DHPS: variants seen among roughly 807,000 people sequenced by gnomAD.
DHPS encodes the protein migration-inducing gene 13.
DHPS carries 24 observed loss-of-function variants against 38.7 expected under a neutral mutation model. The ratio of observed to expected loss-of-function variants is 0.62; its 90% CI spans 0.45 to 0.87. DHPS has a LOEUF of 0.87. Among genes scored for constraint, DHPS ranks in the 40% least tolerant of loss-of-function variants. DHPS has a pLI of 0.00. For missense variants in DHPS, 510 were observed against 497.6 expected, an observed-to-expected ratio of 1.02 and a Z score of -0.24; for synonymous variants, 250 against 204.4, an observed-to-expected ratio of 1.22 and a Z score of -1.90.
downstream of DHPS, among the ~76,000 whole-genome samples, chr19:12,673,848 T>C (rs1316767414): frequency 2.0e-5 from 3 of 151,918 alleles, no homozygotes; most frequent in African/African-American, 7.3e-5. Flanking sequence ...TACAGGCCCC[T>C]ACCACCATAC....
At chr19:12,676,573 A>C (rs1441374763) in intron 7 of DHPS, 5 of 217,298 alleles carry the variant, frequency 2.3e-5, no homozygotes, top group Non-Finnish European at 3.8e-5. Flanking sequence ...TCTCAGTGCA[A>C]AAGCCAAAGC....
chr19:12,674,469 C>T (rs371890679), downstream of DHPS, among the ~76,000 whole-genome samples: 6 of 152,130 alleles, frequency 3.9e-5, no homozygotes, highest in Non-Finnish European at 7.3e-5. Context: ...GAAGACTTGG[C>T]GGACAAGCTC....
chr19:12,679,545 T>C lies in DHPS; in HGVS notation c.592-2A>G, dbSNP rs1568319217. The C allele has an allele frequency of 3.1e-6, 5 of 1,614,034 alleles. No individual in the cohort carries two copies. Among genetic ancestry groups the C allele is most frequent in the African/African-American group, 1.3e-5 (1 of 74,934 alleles). On this transcript the variant is annotated splice_acceptor_variant, in intron 4 of 8. Transcript: ENST00000210060. LOFTEE classifies it high-confidence loss of function. ...CTTAGAAGGCGTCCACTTTACACCCTAGGAGAGGATGTGACCTTCAGGCCA... is the reference window on the plus strand; with the variant it reads ...CTTAGAAGGCGTCCACTTTACACCCCAGGAGAGGATGTGACCTTCAGGCCA...
chr19:12,681,522 G>A, intron 1 of DHPS, 38 bp downstream of exon 1: 1 of 1,610,954 alleles, frequency 6.2e-7, no homozygotes, highest in Non-Finnish European at 8.5e-7. Context: ...TACAAGCCAC[G>A]CCCCTCCGCG....
At position 12,681,563 on chromosome 19, in the gene DHPS, G is replaced by A. The variant is rs11541391; in HGVS notation, c.204C>T (p.Ala68=). The change falls in exon 1 of 9, where the codon GCC becomes GCT. Residue 68 remains alanine (A), a synonymous_variant. Coordinates refer to ENST00000210060, the MANE Select transcript of DHPS (RefSeq NM_001930.4). ...NFGRAVQQVN[A]MIEKKLEPLS... ...AGAAATTCCGCCCGGTCCTCACCAT[G>A]GCATTGACTTGCTGTACAGCGCGCC... 10,928 of 1,614,210 alleles carry A rather than the reference G, an allele frequency of 6.8e-3. 623 individuals carry two copies. In the African/African-American group the frequency reaches 0.12, roughly 18 times the overall value.
chr19:12,678,116 G>A (rs992303499), intron 5 of DHPS, among the ~76,000 whole-genome samples: 2 of 151,856 alleles, frequency 1.3e-5, no homozygotes, highest in Non-Finnish European at 2.9e-5. Flanking sequence ...GCCAGGGGTG[G>A]TGGCACATGC....
chr19:12,673,790 C>G (rs932340714), downstream of DHPS, among the ~76,000 whole-genome samples: 15 of 152,270 alleles, frequency 9.9e-5, no homozygotes, highest in East Asian at 2.5e-3. Flanking sequence ...CCTCTTCCCC[C>G]CAGGGTTCAG....
intron 1 of DHPS, chr19:12,681,305 C>A: frequency 8.3e-7 from 1 of 1,202,354 alleles, no homozygotes; most frequent in Non-Finnish European, 1.1e-6. Context: ...TTAAATGTAC[C>A]TAGAACCCGC....
chr19:12,680,429 A>G (rs1459897573), intron 1 of DHPS, 104 bp from the exon 2 acceptor site: 1 of 1,238,080 alleles, frequency 8.1e-7, no homozygotes, highest in Non-Finnish European at 1.2e-6. Context: ...CTGCACATTC[A>G]GGGATACAGG....
rs754384608 is a variant in DHPS at position 12,675,792 on chromosome 19, T to C, written c.*46A>G. The C allele has an allele frequency of 3.2e-6, 5 of 1,567,862 alleles. No individual in the cohort carries two copies. Among genetic ancestry groups the C allele is most frequent in the Non-Finnish European group, 4.3e-6 (5 of 1,154,690 alleles). ...GTAGGGGAGGGGCTGGGTCTGCAAA[T>C]TAATAAATAGAAGAGGGGGTAAGAC... On this transcript the variant is annotated 3_prime_UTR_variant, in exon 9 of 9. Coordinates refer to ENST00000210060, the MANE Select transcript of DHPS (RefSeq NM_001930.4).
chr19:12,680,568 T>A (rs2024772796), intron 1 of DHPS, among the ~76,000 whole-genome samples: 1 of 150,794 alleles, frequency 6.6e-6, no homozygotes, highest in South Asian at 2.1e-4. Context: ...AGTTTCACTC[T>A]TGTTACCCAG....
intron 7 of DHPS, 44 bp from the exon 8 acceptor site, chr19:12,676,186 A>T: frequency 6.6e-7 from 1 of 1,505,270 alleles, no homozygotes; most frequent in Non-Finnish European, 8.9e-7. Context: ...AGCCAGTCAC[A>T]GGAGACAGAC....
chr19:12,677,365 G>A lies in DHPS; in HGVS notation c.710C>T (p.Thr237Ile), dbSNP rs761265606. Residue 237 changes from threonine to isoleucine, a missense_variant, in exon 6 of 9, where the codon ACA (threonine) becomes ATA (isoleucine). Thr to Ile is a moderately conservative substitution (Grantham distance 89). Coordinates refer to ENST00000210060, the MANE Select transcript of DHPS (RefSeq NM_001930.4). ...GATCATGTCGCCCAGCGAGCCGTCTGTAAGTGCGGGACTAAACACAGGGAT... is the reference window on the plus strand; with the variant it reads ...GATCATGTCGCCCAGCGAGCCGTCTATAAGTGCGGGACTAAACACAGGGAT... ...NHIPVFSPALTDGSLGDMIFF... is the reference protein window; with the variant it reads ...NHIPVFSPALIDGSLGDMIFF... 3.1e-6 allele frequency: 5 copies of A among 1,614,036 alleles called. No homozygotes were observed. Among genetic ancestry groups the A allele is most frequent in the South Asian group, 2.2e-5 (2 of 91,076 alleles).
downstream of DHPS, among the ~76,000 whole-genome samples, chr19:12,673,503 C>T (rs1274463844): frequency 2.0e-5 from 3 of 150,578 alleles, no homozygotes; most frequent in Non-Finnish European, 3.0e-5. Context: ...CTGTAAACTC[C>T]GCCTCCCAAG....
downstream of DHPS, chr19:12,673,220 C>T: frequency 1.2e-6 from 2 of 1,614,012 alleles, no homozygotes; most frequent in African/African-American, 1.3e-5. Context: ...GCCATAAGAA[C>T]CAGGAATACA....
chr19:12,681,632 C>T lies in DHPS; in HGVS notation c.135G>A (p.Leu45=). The T allele has an allele frequency of 6.2e-7, 1 of 1,614,210 alleles. No homozygotes were observed. The highest frequency in any genetic ancestry group is 8.5e-7 in the Non-Finnish European group (1 of 1,180,036). The change falls in exon 1 of 9, where the codon CTG becomes CTA. Residue 45 remains leucine (L), a synonymous_variant. Transcript: ENST00000210060. ...AGCCGGTGGTGCCGAAGGCCTCCAGCAGTGCGCGGTAATTCACACCGCGGT... is the reference window on the plus strand; with the variant it reads ...AGCCGGTGGTGCCGAAGGCCTCCAGTAGTGCGCGGTAATTCACACCGCGGT... ...DFNRGVNYRA[L]LEAFGTTGFQ... is the part of the protein sequence containing the mutation.
At position 12,681,112 on chromosome 19, in the gene DHPS, A is replaced by T. The variant is rs778397800; in HGVS notation, c.207+448T>A. On this transcript the variant is annotated intron_variant, in intron 1 of 8. Coordinates refer to ENST00000210060, the MANE Select transcript of DHPS (RefSeq NM_001930.4). ...TTCCCAAAATGCTGGGATTATAGGC[A>T]TGCGCCACCGCGCCCAGCCAGCCCC... The T allele has an allele frequency of 2.3e-6, 3 of 1,277,634 alleles. No individual in the cohort carries two copies. The South Asian group carries it at 3.8e-5, about 16-fold the overall frequency. 79.1% of individuals were successfully genotyped at this position (1,277,634 alleles called of 1,614,324 possible).
intron 7 of DHPS, 90 bp downstream of exon 7, chr19:12,677,018 C>T (rs890588868): frequency 2.4e-6 from 3 of 1,232,464 alleles, no homozygotes; most frequent in African/African-American, 1.5e-5. Context: ...GGATCCTGGC[C>T]TGTCTAGTTC....
At chr19:12,680,605 C>G (rs982118822) in intron 1 of DHPS, among the ~76,000 whole-genome samples, 2 of 151,184 alleles carry the variant, frequency 1.3e-5, no homozygotes, top group African/African-American at 4.9e-5. Context: ...GCGATCTCGG[C>G]TCACTGCAAG....
Sources: gnomAD v4.1 joint callset for allele counts (sites outside exome capture counted in the v4.1 genomes callset) on GRCh38, gnomAD v4.1.1 for gene constraint, MANE v1.5 for transcripts, NCBI Gene and HGNC (gene_info 2026-07-23, HGNC 2026-07-21) for gene names.